The following LPAR1 variants were observed in gnomAD, a reference collection of about 807,000 sequenced individuals.
LPAR1 encodes lysophosphatidic acid receptor 1.
In LPAR1, 5 loss-of-function variants were observed where a neutral mutation model predicts 23.8. The observed-to-expected ratio is 0.21, with a 90% confidence interval of 0.11 to 0.44. The LOEUF (loss-of-function observed/expected upper bound fraction) is 0.44. Ranked by LOEUF, LPAR1 falls within the 20% of genes least tolerant of loss-of-function variation. LPAR1 has a pLI of 0.99. For synonymous variants in LPAR1, 160 were observed against 164.7 expected (o/e 0.97, Z 0.22); for missense variants, 311 against 482.8 (o/e 0.64, Z 3.33).
chr9:111,033,472 C>T (rs551603014), intron 2 of LPAR1, among the ~76,000 whole-genome samples: 1 of 152,182 alleles, frequency 6.6e-6, no homozygotes, highest in Non-Finnish European at 1.5e-5. Context: ...GAAGATAAAA[C>T]AAACTGCTGG....
intron 4 of LPAR1, among the ~76,000 whole-genome samples, chr9:110,943,495 T>C (rs1035977477): frequency 6.6e-6 from 1 of 152,176 alleles, no homozygotes; most frequent in Non-Finnish European, 1.5e-5. Context: ...TTAATAGCTT[T>C]TAGATTATGC....
intron 5 of LPAR1, among the ~76,000 whole-genome samples, chr9:110,890,417 T>C (rs1050510367): frequency 5.3e-5 from 8 of 152,054 alleles, no homozygotes; most frequent in African/African-American, 1.9e-4. Context: ...GTATTAACAT[T>C]TAAAAAAAAT....
At chr9:111,002,882 T>C (rs981533930) in intron 2 of LPAR1, among the ~76,000 whole-genome samples, 2 of 152,170 alleles carry the variant, frequency 1.3e-5, no homozygotes, top group Non-Finnish European at 2.9e-5. Flanking sequence ...CTCACACTTG[T>C]AATCCCGGCA....
At chr9:110,922,513 T>C (rs1447485130) in intron 5 of LPAR1, among the ~76,000 whole-genome samples, 1 of 152,184 alleles carries the variant, frequency 6.6e-6, no homozygotes, top group African/African-American at 2.4e-5. Context: ...TATGAAGGAT[T>C]AGATAAAAAT....
At chr9:111,031,112 T>C (rs1276194854) in intron 2 of LPAR1, among the ~76,000 whole-genome samples, 2 of 150,548 alleles carry the variant, frequency 1.3e-5, no homozygotes, top group African/African-American at 2.4e-5. Context: ...ACATCTATAG[T>C]GTTTGAATCA....
chr9:110,906,065 TGG>T (rs1197464706), intron 5 of LPAR1, among the ~76,000 whole-genome samples: 1 of 152,218 alleles, frequency 6.6e-6, no homozygotes, highest in African/African-American at 2.4e-5. Flanking sequence ...GCAATGGATT[TGG>T]AAACAAAGTA....
At chr9:110,912,254 C>T (rs112954832) in intron 5 of LPAR1, among the ~76,000 whole-genome samples, 20 of 152,326 alleles carry the variant, frequency 1.3e-4, no homozygotes, top group African/African-American at 4.1e-4. Context: ...TCTCCATCAT[C>T]GAGGTGACTA....
intron 4 of LPAR1, among the ~76,000 whole-genome samples, chr9:110,952,993 CACACAGACGT>C (rs2095618556): frequency 6.6e-6 from 1 of 152,214 alleles, no homozygotes; most frequent in Non-Finnish European, 1.5e-5. Context: ...CCTCAGTTGG[CACACAGACGT>C]ATGTGCCAAC....
chr9:111,031,490 G>A (rs1037605630), intron 2 of LPAR1, among the ~76,000 whole-genome samples: 3 of 151,690 alleles, frequency 2.0e-5, no homozygotes, highest in East Asian at 1.9e-4. Context: ...ACACACCTGC[G>A]GTCCCAGCTA....
chr9:110,874,905 C>T lies in LPAR1; in HGVS notation c.*516G>A, dbSNP rs1480500232. 1 of 152,556 alleles carries T rather than the reference C, an allele frequency of 6.6e-6. No individual in the cohort carries two copies. Among genetic ancestry groups the T allele is most frequent in the Non-Finnish European group, 1.5e-5 (1 of 68,072 alleles). 9.5% of individuals were successfully genotyped at this position (152,556 alleles called of 1,614,324 possible). On this transcript the variant is annotated 3_prime_UTR_variant, in exon 6 of 6. Coordinates refer to ENST00000683809, the MANE Select transcript of LPAR1 (RefSeq NM_001351411.2). ...CTAAACAAAAGATAATTCCAACTTA[C>T]AGTTTTCCTATGTAAGGGAAAAAAT...
At chr9:110,934,794 C>G (rs951003920) in intron 5 of LPAR1, among the ~76,000 whole-genome samples, 5 of 151,736 alleles carry the variant, frequency 3.3e-5, no homozygotes, top group Admixed American at 6.6e-5. Context: ...TGCCCTGACT[C>G]AGTGAATATA....
At chr9:110,904,301 C>T (rs1041383652) in intron 5 of LPAR1, among the ~76,000 whole-genome samples, 1 of 152,032 alleles carries the variant, frequency 6.6e-6, no homozygotes, top group Non-Finnish European at 1.5e-5. Flanking sequence ...ATGACTTAAA[C>T]ATTATAACAC....
intron 4 of LPAR1, among the ~76,000 whole-genome samples, chr9:110,950,720 T>C (rs1301106383): frequency 6.6e-6 from 1 of 152,142 alleles, no homozygotes; most frequent in Non-Finnish European, 1.5e-5. Context: ...TAGGAATAAG[T>C]CTGACTTTAC....
rs147703811 is a variant in LPAR1, at chr9:110,925,044, G to A, written c.793+16377C>T. 9.3e-4 allele frequency among the ~76,000 whole-genome samples: 142 copies of A among 152,084 alleles called. 1 individual carries two copies. Among genetic ancestry groups the A allele is most frequent in the African/African-American group, 3.2e-3 (132 of 41,506 alleles). ...TTCTCCCTGTATTTTAGTCATATTT[G>A]TAAGTGAATAGGGATTATACATTTT... On this transcript the variant is annotated intron_variant, in intron 5 of 5. Coordinates refer to ENST00000683809, the MANE Select transcript of LPAR1 (RefSeq NM_001351411.2).
At chr9:110,889,131 G>A (rs2083289718) in intron 5 of LPAR1, among the ~76,000 whole-genome samples, 2 of 152,158 alleles carry the variant, frequency 1.3e-5, no homozygotes, top group Non-Finnish European at 2.9e-5. Context: ...GGAGGCCGAG[G>A]CGGGCAGATC....
chr9:111,034,049 G>A (rs2097849601), intron 2 of LPAR1, among the ~76,000 whole-genome samples: 1 of 152,178 alleles, frequency 6.6e-6, no homozygotes, highest in South Asian at 2.1e-4. Context: ...CCCACAGAGT[G>A]AAGATAATGA....
At chr9:110,937,498 A>T (rs2094800661) in intron 5 of LPAR1, among the ~76,000 whole-genome samples, 1 of 152,156 alleles carries the variant, frequency 6.6e-6, no homozygotes, top group Non-Finnish European at 1.5e-5. Context: ...CTCAGTTTTT[A>T]TCAACTGGAA....
intron 2 of LPAR1, among the ~76,000 whole-genome samples, chr9:111,032,196 C>T (rs2097808361): frequency 1.3e-5 from 2 of 152,150 alleles, no homozygotes; most frequent in African/African-American, 4.8e-5. Flanking sequence ...AAAAGAGAGG[C>T]ACTTTGACCT....
At chr9:110,935,021 T>C (rs2094607208) in intron 5 of LPAR1, among the ~76,000 whole-genome samples, 1 of 152,212 alleles carries the variant, frequency 6.6e-6, no homozygotes, top group Non-Finnish European at 1.5e-5. Flanking sequence ...CAGATAACTT[T>C]TTTCAAGGTT....
Sources: allele counts gnomAD v4.1 joint callset (sites outside exome capture counted in the v4.1 genomes callset), GRCh38; gene constraint gnomAD v4.1.1; transcripts MANE v1.5; gene names NCBI Gene and HGNC (gene_info 2026-07-23, HGNC 2026-07-21).